Variants in GPC5 observed in about 807,000 individuals in gnomAD.
The protein encoded by GPC5 is glypican 5.
A neutral mutation model predicts 53.9 loss-of-function variants in GPC5; 47 were observed. The ratio of observed to expected loss-of-function variants is 0.87; its 90% CI spans 0.69 to 1.11. The LOEUF (loss-of-function observed/expected upper bound fraction) is 1.11. Among genes scored for constraint, GPC5 ranks in the 50% most tolerant of loss-of-function variants. The pLI is 0.00. For missense variants in GPC5, 748 were observed against 713.1 expected (o/e 1.05, Z -0.56); for synonymous variants, 286 against 263.3 (o/e 1.09, Z -0.84).
intron 2 of GPC5, among the ~76,000 whole-genome samples, chr13:91,648,517 T>C (rs16946381): frequency 0.065 from 9,844 of 152,110 alleles, 1,067 homozygotes; most frequent in African/African-American, 0.22. Context: ...CATAAGGCCT[T>C]TTAAGTTTCA....
intron 7 of GPC5, among the ~76,000 whole-genome samples, chr13:92,493,800 G>C (rs1284867472): frequency 3.9e-5 from 6 of 152,142 alleles, no homozygotes; most frequent in Non-Finnish European, 7.4e-5. Flanking sequence ...AGTCACTTCC[G>C]GTCTGAAACT....
intron 7 of GPC5, among the ~76,000 whole-genome samples, chr13:92,177,557 A>G (rs2042117443): frequency 6.6e-6 from 1 of 152,176 alleles, no homozygotes; most frequent in African/African-American, 2.4e-5. Flanking sequence ...CAGAATAGCC[A>G]CTAGTATGTT....
intron 7 of GPC5, among the ~76,000 whole-genome samples, chr13:92,370,901 C>A (rs374888616): frequency 8.8e-4 from 134 of 152,282 alleles, no homozygotes; most frequent in African/African-American, 3.1e-3. Context: ...GTAATCCCAG[C>A]ACTTTGGGAG....
intron 7 of GPC5, among the ~76,000 whole-genome samples, chr13:92,339,324 GA>G (rs2043347446): frequency 6.6e-6 from 1 of 151,848 alleles, no homozygotes; most frequent in Non-Finnish European, 1.5e-5. Flanking sequence ...TAATTTTGGG[GA>G]ATTGTTTTCC....
intron 7 of GPC5, among the ~76,000 whole-genome samples, chr13:92,575,922 T>C (rs1883175869): frequency 6.6e-6 from 1 of 152,138 alleles, no homozygotes; most frequent in African/African-American, 2.4e-5. Context: ...AGAGTATGCA[T>C]TCCGCAGATG....
At chr13:92,620,622 A>G (rs1460508420) in intron 7 of GPC5, among the ~76,000 whole-genome samples, 1 of 152,210 alleles carries the variant, frequency 6.6e-6, no homozygotes, top group Non-Finnish European at 1.5e-5. Context: ...TTGACAAAGC[A>G]AAGCAGCTGA....
intron 4 of GPC5, among the ~76,000 whole-genome samples, chr13:91,747,856 CCTAA>C (rs1490589350): frequency 1.3e-5 from 2 of 152,118 alleles, no homozygotes; most frequent in African/African-American, 2.4e-5. Context: ...CAACTAAATG[CCTAA>C]CTAACTGATA....
chr13:91,748,540 G>T (rs891364289), intron 4 of GPC5, among the ~76,000 whole-genome samples: 1 of 152,220 alleles, frequency 6.6e-6, no homozygotes, highest in Non-Finnish European at 1.5e-5. Flanking sequence ...AAAAGAATTT[G>T]TTAAGTGCCT....
At chr13:92,380,946 G>A (rs28458939) in intron 7 of GPC5, among the ~76,000 whole-genome samples, 80,541 of 151,746 alleles carry the variant, frequency 0.53, 21,569 homozygotes, top group East Asian at 0.6. Flanking sequence ...GAATACAGGC[G>A]TACCTAAGGA....
At chr13:91,831,043 T>G (rs1566291661) in intron 5 of GPC5, among the ~76,000 whole-genome samples, 2 of 139,160 alleles carry the variant, frequency 1.4e-5, no homozygotes, top group East Asian at 4.0e-4. Flanking sequence ...ATTATATATA[T>G]TATATATATC....
chr13:92,010,696 G>T (rs2040653645), intron 6 of GPC5, among the ~76,000 whole-genome samples: 1 of 152,132 alleles, frequency 6.6e-6, no homozygotes, highest in African/African-American at 2.4e-5. Context: ...CACCCCCACT[G>T]CAAGGAAGAA....
intron 2 of GPC5, among the ~76,000 whole-genome samples, chr13:91,568,836 C>T (rs1390717538): frequency 2.0e-5 from 3 of 151,620 alleles, no homozygotes; most frequent in African/African-American, 7.3e-5. Flanking sequence ...GCAACCTCCA[C>T]CCCCAGGGTT....
chr13:91,422,352 T>G (rs1878696415), intron 1 of GPC5, among the ~76,000 whole-genome samples: 1 of 152,132 alleles, frequency 6.6e-6, no homozygotes, highest in African/African-American at 2.4e-5. Context: ...AAAACACATT[T>G]AGGCTGGGCA....
chr13:91,782,013 G>C (rs1363229231), intron 5 of GPC5, among the ~76,000 whole-genome samples: 1 of 152,088 alleles, frequency 6.6e-6, no homozygotes, highest in African/African-American at 2.4e-5. Context: ...ACTTGTTGAA[G>C]GATAATATAT....
At chr13:92,200,625 A>T (rs184332994) in intron 7 of GPC5, among the ~76,000 whole-genome samples, 155 of 152,366 alleles carry the variant, frequency 1.0e-3, no homozygotes, top group African/African-American at 3.7e-3. Flanking sequence ...TTCAGACATT[A>T]TCAGTGCTTA....
chr13:91,576,317 ATG>A (rs66501826), intron 2 of GPC5, among the ~76,000 whole-genome samples: 60,912 of 105,160 alleles, frequency 0.58, 12,454 homozygotes, highest in Middle Eastern at 0.62. Flanking sequence ...CCAATACACA[ATG>A]TGTATATATA....
chr13:91,735,734 G>T (rs555281789), intron 4 of GPC5, among the ~76,000 whole-genome samples: 4 of 151,102 alleles, frequency 2.6e-5, no homozygotes, highest in African/African-American at 9.9e-5. Context: ...ATCATTTTGT[G>T]CACTGGTACA....
At chr13:91,968,751 T>A (rs9589383) in intron 6 of GPC5, among the ~76,000 whole-genome samples, 6 of 151,166 alleles carry the variant, frequency 4.0e-5, no homozygotes, top group African/African-American at 1.5e-4. Flanking sequence ...CGTGAGCCAC[T>A]GCGCCCGGGC....
chr13:91,434,343 T>G (rs1879741200), intron 1 of GPC5, among the ~76,000 whole-genome samples: 1 of 152,112 alleles, frequency 6.6e-6, no homozygotes, highest in South Asian at 2.1e-4. Flanking sequence ...AGGTCTAACA[T>G]TTAAGTCTTT....
Sources: gnomAD v4.1 joint callset for allele counts (sites outside exome capture counted in the v4.1 genomes callset) on GRCh38, gnomAD v4.1.1 for gene constraint, MANE v1.5 for transcripts, NCBI Gene and HGNC (gene_info 2026-07-23, HGNC 2026-07-21) for gene names.